Variants in GTF3C2 observed in about 807,000 individuals in gnomAD.
GTF3C2 encodes the protein general transcription factor IIIC subunit 2.
A neutral mutation model predicts 117.4 loss-of-function variants in GTF3C2; 17 were observed. The ratio of observed to expected loss-of-function variants is 0.14; its 90% CI spans 0.10 to 0.22. The LOEUF is 0.22. Among genes scored for constraint, GTF3C2 ranks in the 10% least tolerant of loss-of-function variants. GTF3C2 has a pLI of 1.00. For synonymous variants in GTF3C2, 437 were observed against 427.0 expected (o/e 1.02, Z -0.29); for missense variants, 888 against 1,143.6 (o/e 0.78, Z 3.22).
intron 4 of GTF3C2, among the ~76,000 whole-genome samples, chr2:27,339,317 G>A (rs1181335257): frequency 1.3e-5 from 2 of 150,988 alleles, no homozygotes; most frequent in Non-Finnish European, 2.9e-5. Flanking sequence ...TGAGGCGGGA[G>A]CATTGCTTGA....
intron 1 of GTF3C2, among the ~76,000 whole-genome samples, chr2:27,351,956 T>C (rs1681156003): frequency 6.6e-6 from 1 of 152,222 alleles, no homozygotes; most frequent in Non-Finnish European, 1.5e-5. Context: ...TGTCATTCTC[T>C]GAACCTTGTC....
rs1049831 is a variant in GTF3C2, at chr2:27,326,518, G to A, written c.*157C>T. On this transcript the variant is annotated 3_prime_UTR_variant, in exon 19 of 19. Transcript: ENST00000264720. ...GGGGCTGTGATCACAGAAGTCTGTA[G>A]AAAGAGTGGGATCTAAGGAGTCCTG... The A allele has an allele frequency of 2.1e-5, 13 of 626,368 alleles. No homozygotes were observed. The East Asian group carries it at 3.6e-4, about 17-fold the overall frequency. 38.8% of individuals were successfully genotyped at this position (626,368 alleles called of 1,614,324 possible). A position where few individuals can be genotyped will look rare whatever the true frequency, so the allele number is the denominator to read the frequency against.
exon 3 of GTF3C2, chr2:27,342,880 G>A: frequency 1.9e-6 from 3 of 1,614,130 alleles, no homozygotes; most frequent in Middle Eastern, 1.7e-4. Flanking sequence ...AAAGTCCTCA[G>A]GGGGCCTCTT....
chr2:27,355,717 A>T (rs1681348421), intron 1 of GTF3C2, among the ~76,000 whole-genome samples: 1 of 152,126 alleles, frequency 6.6e-6, no homozygotes, highest in African/African-American at 2.4e-5. Context: ...AAAAATAATG[A>T]CACAACACTG....
chr2:27,327,147 G>T, intron 18 of GTF3C2, 30 bp downstream of exon 18: 1 of 1,179,310 alleles, frequency 8.5e-7, no homozygotes, highest in Non-Finnish European at 1.3e-6. Flanking sequence ...GGGGAAATGA[G>T]AGTGGAGGGT....
Position 27,337,391 on chromosome 2 carries a change from TC to T in GTF3C2, c.1029-50del, listed in dbSNP as rs751914181. 6.1e-6 allele frequency: 9 copies of T among 1,486,982 alleles called. No individual in the cohort carries two copies. In the East Asian group the frequency reaches 1.8e-4, roughly 30 times the overall value. The allele number at this position is 1,486,982 out of a possible 1,614,324, so 92.1% of individuals were successfully genotyped here. ...TCTAAATTTGGAAGTGTTTCACCCA[TC>T]TCAGGGTTCCCATTATAGAGCCTCT... On this transcript the variant is annotated intron_variant, in intron 6 of 18. Coordinates refer to ENST00000264720, the Ensembl canonical transcript of GTF3C2.
intron 4 of GTF3C2, among the ~76,000 whole-genome samples, chr2:27,339,397 G>A (rs186135226): frequency 6.9e-4 from 67 of 97,140 alleles, no homozygotes; most frequent in Middle Eastern, 0.01. Flanking sequence ...CAATAAGAGC[G>A]AAACTCCGTC....
chr2:27,329,792 CAG>C lies in GTF3C2; in HGVS notation c.1733-271_1733-270del, dbSNP rs576522595. 1.6e-3 allele frequency among the ~76,000 whole-genome samples: 240 copies of C among 152,272 alleles called. 1 individual carries two copies. The highest frequency in any genetic ancestry group is 4.2e-3 in the African/African-American group (173 of 41,546). Reference sequence around the variant, plus strand: ...AATGATAGGGTGAACACACCTAGTGCAGAGAGTAGAATGCACCTCTCTCTACT... The same window carrying C: ...AATGATAGGGTGAACACACCTAGTGCAGAGTAGAATGCACCTCTCTCTACT... On this transcript the variant is annotated intron_variant, in intron 12 of 18. Coordinates refer to ENST00000264720, the Ensembl canonical transcript of GTF3C2. This position sits in a 1 kb window ranked among gnomAD's most constrained non-coding sequence, Gnocchi z 4.5.
At chr2:27,328,495 A>G (rs1349373502) in exon 16 of GTF3C2, 1 of 1,613,818 alleles carries the variant, frequency 6.2e-7, no homozygotes, top group East Asian at 2.2e-5. Flanking sequence ...GTCGCTTGAC[A>G]TTTATTGGAT....
At chr2:27,352,715 ATTATT>A (rs1363535116) in intron 1 of GTF3C2, among the ~76,000 whole-genome samples, 2 of 152,324 alleles carry the variant, frequency 1.3e-5, no homozygotes, top group East Asian at 1.9e-4. Context: ...AAGCTCCTTG[ATTATT>A]TTAATTTCCC....
chr2:27,337,912 T>C lies in GTF3C2; in HGVS notation c.950+14A>G, dbSNP rs1558617214. ...CCCCTTTATTAACCCCAGCCCCCTG[T>C]CCCCAAGTCTCACAAGTCCTTGGTG... is the stretch of plus-strand genomic sequence containing the variant. On this transcript the variant is annotated intron_variant, in intron 5 of 18. Transcript: ENST00000264720. 6.7e-7 allele frequency: 1 copy of C among 1,496,168 alleles called. No individual in the cohort carries two copies. The highest frequency in any genetic ancestry group is 1.7e-5 in the Admixed American group (1 of 59,890). The allele number at this position is 1,496,168 out of a possible 1,614,324, so 92.7% of individuals were successfully genotyped here.
At chr2:27,338,319 G>A in intron 4 of GTF3C2, 1 of 364,186 alleles carries the variant, frequency 2.7e-6, no homozygotes, top group South Asian at 2.6e-5. Context: ...CCGCCCTATG[G>A]AATAGTCTCC....
intron 9 of GTF3C2, 53 bp downstream of exon 9, chr2:27,335,864 T>A (rs1053406895): frequency 3.9e-6 from 5 of 1,284,484 alleles, no homozygotes; most frequent in Non-Finnish European, 4.5e-6. Flanking sequence ...TCCCAGGGCC[T>A]CTTTGTCCTG....
chr2:27,338,333 A>C (rs1031391868), intron 4 of GTF3C2: 7 of 312,104 alleles, frequency 2.2e-5, no homozygotes, highest in South Asian at 3.3e-5. Context: ...AGTCTCCCTT[A>C]CTCCTCTCCC....
exon 19 of GTF3C2, chr2:27,326,557 A>AT (rs1363449601): frequency 5.5e-6 from 4 of 727,026 alleles, no homozygotes; most frequent in Non-Finnish European, 9.5e-6. Context: ...AGGCAGGCCT[A>AT]AAGGTCCAGG....
chr2:27,335,751 T>C lies in GTF3C2; in HGVS notation c.1468-45A>G, dbSNP rs192194516. 1.6e-5 allele frequency: 21 copies of C among 1,347,250 alleles called. No individual in the cohort carries two copies. In the Admixed American group the frequency reaches 3.4e-4, roughly 22 times the overall value. 83.5% of individuals were successfully genotyped at this position (1,347,250 alleles called of 1,614,324 possible). On this transcript the variant is annotated intron_variant, in intron 9 of 18. Coordinates refer to ENST00000264720, the Ensembl canonical transcript of GTF3C2. ...CTGAGGCTTGCTGCCTTCAGCTGAC[T>C]CACAGAAAACCTTTGAGGTTCTAGT...
At chr2:27,328,378 G>A (rs1457793384) in intron 16 of GTF3C2, 90 bp downstream of exon 16, 1 of 1,360,010 alleles carries the variant, frequency 7.4e-7, no homozygotes, top group Non-Finnish European at 1.1e-6. Context: ...TCAGGGCCGG[G>A]AGACCTGACA....
In GTF3C2 at chr2:27,335,119, G is replaced by A. The variant is rs563624994; in HGVS notation, c.1576+479C>T. Reference sequence around the variant, plus strand: ...TAATGAAAAATAAATTCAACATATAGGAGCTGCCTTTTCCTGACTCCTCCC... The same window carrying A: ...TAATGAAAAATAAATTCAACATATAAGAGCTGCCTTTTCCTGACTCCTCCC... On this transcript the variant is annotated intron_variant, in intron 10 of 18. Coordinates refer to ENST00000264720, the Ensembl canonical transcript of GTF3C2. Among the ~76,000 whole-genome samples the A allele has an allele frequency of 3.0e-4, 45 of 152,276 alleles. No homozygotes were observed. In the East Asian group the frequency reaches 8.5e-3, roughly 29 times the overall value.
chr2:27,356,277 G>A (rs541858905), intron 1 of GTF3C2: 1 of 406,232 alleles, frequency 2.5e-6, no homozygotes, highest in East Asian at 7.1e-5. Context: ...CCTCCTCGAG[G>A]AAGAGGCTGG....
Sources: gnomAD v4.1 joint callset for allele counts (sites outside exome capture counted in the v4.1 genomes callset) on GRCh38, gnomAD v4.1.1 for gene constraint, Gnocchi (gnomAD v3.1) non-coding constraint, MANE v1.5 for transcripts, NCBI Gene and HGNC (gene_info 2026-07-23, HGNC 2026-07-21) for gene names.